The following GUCY2C variants were observed in gnomAD, a reference collection of about 807,000 sequenced individuals.
GUCY2C encodes the protein guanylyl cyclase C.
Under a neutral mutation model 131.1 loss-of-function variants are expected in GUCY2C, and 118 were observed. The ratio of observed to expected loss-of-function variants is 0.90; its 90% CI spans 0.78 to 1.05. GUCY2C has a LOEUF of 1.05. GUCY2C is among the 50% of genes least tolerant of loss of function. The pLI is 0.00. For synonymous variants in GUCY2C, 452 were observed against 457.8 expected, an observed-to-expected ratio of 0.99 and a Z score of 0.16; for missense variants, 1,161 against 1,304.4, an observed-to-expected ratio of 0.89 and a Z score of 1.69.
At chr12:14,643,802 C>G in intron 16 of GUCY2C, 96 bp from the exon 17 acceptor site, 1 of 1,024,176 alleles carries the variant, frequency 9.8e-7, no homozygotes, top group South Asian at 1.4e-5. Context: ...ACCATTTCAG[C>G]AGATGGTCAC....
chr12:14,657,981 T>A (rs1286634428), intron 11 of GUCY2C, among the ~76,000 whole-genome samples: 1 of 152,058 alleles, frequency 6.6e-6, no homozygotes, highest in Admixed American at 6.5e-5. Flanking sequence ...ATTGATAAAC[T>A]TTTTTTTAAC....
At position 14,629,296 on chromosome 12, in the gene GUCY2C, G is replaced by T. The variant is rs574027607; in HGVS notation, c.2158-559C>A. Among the ~76,000 whole-genome samples, 6 of 152,176 alleles carry T rather than the reference G, an allele frequency of 3.9e-5. No individual in the cohort carries two copies. In the East Asian group the frequency reaches 1.2e-3, roughly 29 times the overall value. ...AAGAAACTCCCCAGGCCTCCACAAA[G>T]AAGTTTATTGGGGGTCTGAAGGAAC... On this transcript the variant is annotated intron_variant, in intron 19 of 26. Transcript: ENST00000261170.
intron 23 of GUCY2C, 54 bp downstream of exon 23, chr12:14,620,988 T>G (rs1004738632): frequency 1.5e-6 from 2 of 1,339,096 alleles, no homozygotes; most frequent in African/African-American, 1.5e-5. Flanking sequence ...CTGATTTAGT[T>G]GGTGCACAGC....
At chr12:14,695,100 G>A (rs1322099701) in intron 1 of GUCY2C, among the ~76,000 whole-genome samples, 1 of 151,918 alleles carries the variant, frequency 6.6e-6, no homozygotes, top group Admixed American at 6.6e-5. Context: ...AGGCCATGAC[G>A]CTCTAGGAAA....
Position 14,696,550 on chromosome 12 carries a change from C to T in GUCY2C, c.-102G>A. On this transcript the variant is annotated 5_prime_UTR_variant, in exon 1 of 27. Coordinates refer to ENST00000261170, the MANE Select transcript of GUCY2C (RefSeq NM_004963.4). The stretch of plus-strand genomic sequence containing the variant: ...CCAGATGGACAGCCTCTAGTGGAGT[C>T]CCTCAGCCCACTCTTCCCCACGCTT... 1 of 812,760 alleles carries T rather than the reference C, an allele frequency of 1.2e-6. No individual in the cohort carries two copies. Among genetic ancestry groups the T allele is most frequent in the Non-Finnish European group, 2.0e-6 (1 of 495,008 alleles). 50.3% of individuals were successfully genotyped at this position (812,760 alleles called of 1,614,324 possible).
chr12:14,670,326 C>T (rs1316873731), intron 9 of GUCY2C, among the ~76,000 whole-genome samples: 1 of 152,190 alleles, frequency 6.6e-6, no homozygotes, highest in Non-Finnish European at 1.5e-5. Context: ...TTCTTAACTT[C>T]TATCCATTAC....
At chr12:14,632,938 C>G (rs1012600550) in intron 19 of GUCY2C, among the ~76,000 whole-genome samples, 3 of 152,200 alleles carry the variant, frequency 2.0e-5, no homozygotes, top group African/African-American at 7.2e-5. Context: ...GCCTGCCCAG[C>G]CTGTCACAGC....
intron 1 of GUCY2C, among the ~76,000 whole-genome samples, chr12:14,694,906 G>A (rs1379886476): frequency 6.6e-6 from 1 of 152,068 alleles, no homozygotes; most frequent in African/African-American, 2.4e-5. Context: ...GTTCATTGAA[G>A]TATTATGAAA....
At chr12:14,693,439 T>C (rs1948608064) in intron 1 of GUCY2C, among the ~76,000 whole-genome samples, 1 of 152,198 alleles carries the variant, frequency 6.6e-6, no homozygotes, top group African/African-American at 2.4e-5. Flanking sequence ...ATCCTGAATG[T>C]TCTTCAAGAC....
At chr12:14,664,482 T>A (rs1947929929) in intron 10 of GUCY2C, among the ~76,000 whole-genome samples, 1 of 151,602 alleles carries the variant, frequency 6.6e-6, no homozygotes. Context: ...GTATTAGATA[T>A]AATTATAATA....
chr12:14,657,442 T>A (rs767531360), intron 11 of GUCY2C, among the ~76,000 whole-genome samples: 1 of 152,056 alleles, frequency 6.6e-6, no homozygotes, highest in African/African-American at 2.4e-5. Context: ...ATGTTAAAAA[T>A]GTATAGTTTC....
At position 14,686,172 on chromosome 12, in the gene GUCY2C, G is replaced by T; in HGVS notation, c.384C>A (p.Thr128=). Reference sequence around the variant, plus strand: ...GTAGTATTACTTACTACATCTGGAAGGTGGAGTATGTACATGAGGGCCCTA... The same window carrying T: ...GTAGTATTACTTACTACATCTGGAATGTGGAGTATGTACATGAGGGCCCTA... ...VLIGPSCTYS[T]FQMYLDTELS... Residue 128 remains threonine (T), a synonymous_variant, in exon 3 of 27, where the codon ACC becomes ACA. Coordinates refer to ENST00000261170, the MANE Select transcript of GUCY2C (RefSeq NM_004963.4). 1.3e-6 allele frequency: 2 copies of T among 1,595,384 alleles called. No homozygotes were observed. The highest frequency in any genetic ancestry group is 1.7e-6 in the Non-Finnish European group (2 of 1,163,038).
At chr12:14,670,774 C>T (rs2137070396) in intron 9 of GUCY2C, among the ~76,000 whole-genome samples, 1 of 151,922 alleles carries the variant, frequency 6.6e-6, no homozygotes, top group South Asian at 2.1e-4. Flanking sequence ...ATTGCGAGGC[C>T]TCCCCAGCCT....
intron 9 of GUCY2C, among the ~76,000 whole-genome samples, chr12:14,672,056 C>G (rs1948123949): frequency 6.8e-6 from 1 of 147,314 alleles, no homozygotes; most frequent in South Asian, 2.2e-4. Context: ...ATGACTTAGA[C>G]TGTCATAACA....
chr12:14,644,935 T>A lies in GUCY2C; in HGVS notation c.1797+294A>T, dbSNP rs146892787. On this transcript the variant is annotated intron_variant, in intron 16 of 26. Transcript: ENST00000261170. Reference sequence around the variant, plus strand: ...TTGTCTTTCTTGTAGTTTTATATGATTTTGATTTCTGGAAAATCTGTGAAA... The same window carrying A: ...TTGTCTTTCTTGTAGTTTTATATGAATTTGATTTCTGGAAAATCTGTGAAA... Among the ~76,000 whole-genome samples the A allele has an allele frequency of 6.9e-3, 1,048 of 152,036 alleles. 10 individuals are homozygous for A. The highest frequency in any genetic ancestry group is 0.024 in the African/African-American group (979 of 41,466).
chr12:14,693,359 C>CCATA (rs1948606669), intron 1 of GUCY2C, among the ~76,000 whole-genome samples: 1 of 152,086 alleles, frequency 6.6e-6, no homozygotes, highest in Admixed American at 6.5e-5. Context: ...AGCCTTGGAA[C>CCATA]CATACAGCCT....
At chr12:14,628,498 T>C (rs547678642) in intron 20 of GUCY2C, 148 bp downstream of exon 20, 2 of 584,850 alleles carry the variant, frequency 3.4e-6, no homozygotes, top group East Asian at 2.9e-5. Context: ...AGTCTCCATA[T>C]CATTTTAATG....
chr12:14,681,640 G>A (rs1203949078), intron 4 of GUCY2C, among the ~76,000 whole-genome samples, 163 bp from the exon 5 acceptor site: 1 of 152,138 alleles, frequency 6.6e-6, no homozygotes, highest in Non-Finnish European at 1.5e-5. Context: ...AGTTTAGATT[G>A]TAAGATCTAA....
Position 14,686,160 on chromosome 12 carries a change from C to T in GUCY2C, c.395+1G>A. ...CTTCAGTTCACAGTAGTATTACTTA[C>T]TACATCTGGAAGGTGGAGTATGTAC... On this transcript the variant is annotated splice_donor_variant, in intron 3 of 26. Transcript: ENST00000261170. LOFTEE classifies it high-confidence loss of function. The T allele has an allele frequency of 1.3e-6, 2 of 1,573,786 alleles. No homozygotes were observed. The highest frequency in any genetic ancestry group is 1.7e-6 in the Non-Finnish European group (2 of 1,143,428).
Sources: gnomAD v4.1 joint callset for allele counts (sites outside exome capture counted in the v4.1 genomes callset) on GRCh38, gnomAD v4.1.1 for gene constraint, MANE v1.5 for transcripts, NCBI Gene and HGNC (gene_info 2026-07-23, HGNC 2026-07-21) for gene names.